The following EHF variants were observed in gnomAD, a reference collection of about 807,000 sequenced individuals.
The protein encoded by EHF is ETS homologous factor, also known as ESE3 transcription factor.
In EHF, 14 loss-of-function variants were observed where a neutral mutation model predicts 45.1. The ratio of observed to expected loss-of-function variants is 0.31; its 90% CI spans 0.21 to 0.49. The LOEUF (loss-of-function observed/expected upper bound fraction) is 0.49. EHF is among the 20% of genes least tolerant of loss of function. EHF has a pLI of 0.99. For synonymous variants in EHF, 136 were observed against 131.8 expected (o/e 1.03, Z -0.22); for missense variants, 282 against 371.4 (o/e 0.76, Z 1.98).
At position 34,659,160 on chromosome 11, in the gene EHF, GA is replaced by G. The variant is rs1272178738; in HGVS notation, c.*232del. 1 of 415,838 alleles carries G rather than the reference GA, an allele frequency of 2.4e-6. No homozygotes were observed. The highest frequency in any genetic ancestry group is 4.3e-6 in the Non-Finnish European group (1 of 234,624). 25.8% of individuals were successfully genotyped at this position (415,838 alleles called of 1,614,324 possible). A position where few individuals can be genotyped will look rare whatever the true frequency, so the allele number is the denominator to read the frequency against. On this transcript the variant is annotated 3_prime_UTR_variant, in exon 9 of 9. Transcript: ENST00000257831. ...GGAAAAAACGTACACAGTTTTCTGT[GA>G]AATATGATGCTGTATGTGGTTGTGA...
intron 6 of EHF, among the ~76,000 whole-genome samples, chr11:34,654,511 G>T (rs1294382678): frequency 6.6e-6 from 1 of 152,168 alleles, no homozygotes; most frequent in Non-Finnish European, 1.5e-5. Flanking sequence ...GCCTTTGACT[G>T]CTTATTCCCC....
chr11:34,629,139 G>T (rs1168596972), intron 1 of EHF, among the ~76,000 whole-genome samples: 1 of 152,192 alleles, frequency 6.6e-6, no homozygotes, highest in Non-Finnish European at 1.5e-5. Context: ...GCCTGTTGAG[G>T]AGGGAGGATG....
chr11:34,635,851 A>T (rs1332192500), intron 1 of EHF, among the ~76,000 whole-genome samples: 2 of 152,058 alleles, frequency 1.3e-5, no homozygotes, highest in Non-Finnish European at 2.9e-5. Context: ...GACAGGAGGG[A>T]TGGCTTTCGT....
Position 34,646,456 on chromosome 11 carries a change from G to A in EHF, c.115G>A (p.Gly39Arg). ...TTTTGCAGTTTCCAGTGGGTTTTTT[G>A]GAGGCCAGTGGCATGAAATTCATCC... ...STCNVSSGFF[G>R]GQWHEIHPQY... Residue 39 changes from glycine (G) to arginine (R), a missense_variant, in exon 3 of 9, where the codon GGA becomes AGA. Physicochemically the swap from Gly to Arg is moderately radical, Grantham distance 125. Transcript: ENST00000257831. 1 of 1,614,014 alleles carries A rather than the reference G, an allele frequency of 6.2e-7. No individual in the cohort carries two copies. The highest frequency in any genetic ancestry group is 8.5e-7 in the Non-Finnish European group (1 of 1,179,968).
chr11:34,651,899 T>C (rs1855208278), intron 6 of EHF, 94 bp downstream of exon 6: 1 of 1,247,098 alleles, frequency 8.0e-7, no homozygotes, highest in African/African-American at 1.5e-5. Flanking sequence ...CTTTCTGGAG[T>C]CTTTCTAATT....
At chr11:34,644,465 G>A (rs1316345532) in intron 2 of EHF, among the ~76,000 whole-genome samples, 1 of 152,146 alleles carries the variant, frequency 6.6e-6, no homozygotes, top group African/African-American at 2.4e-5. Flanking sequence ...CCTGACTATT[G>A]GCTTCCTCTT....
rs992777376 is a variant in EHF at position 34,662,276 on chromosome 11, C to T, written c.*3345C>T. On this transcript the variant is annotated 3_prime_UTR_variant, in exon 9 of 9. Coordinates refer to ENST00000257831, the MANE Select transcript of EHF (RefSeq NM_012153.6). Reference sequence around the variant, plus strand: ...TTTCTTCAGTGGAATAAGAGCACAACGGCACAACCTTCAAGGACATATTAT... The same window carrying T: ...TTTCTTCAGTGGAATAAGAGCACAATGGCACAACCTTCAAGGACATATTAT... Among the ~76,000 whole-genome samples, 15 of 152,042 alleles carry T rather than the reference C, an allele frequency of 9.9e-5. No individual in the cohort carries two copies. Among genetic ancestry groups the T allele is most frequent in the East Asian group, 1.9e-4 (1 of 5,192 alleles).
At chr11:34,653,564 T>A (rs1406898448) in intron 6 of EHF, among the ~76,000 whole-genome samples, 1 of 152,168 alleles carries the variant, frequency 6.6e-6, no homozygotes, top group Non-Finnish European at 1.5e-5. Context: ...TTCTATCCTG[T>A]GATTGTAACC....
At chr11:34,638,811 G>A (rs1853702375) in intron 1 of EHF, among the ~76,000 whole-genome samples, 1 of 152,182 alleles carries the variant, frequency 6.6e-6, no homozygotes, top group African/African-American at 2.4e-5. Flanking sequence ...AGCAGAAGAT[G>A]GGGAGAAGTG....
intron 7 of EHF, among the ~76,000 whole-genome samples, chr11:34,657,965 G>A (rs1010329904): frequency 6.6e-6 from 1 of 152,072 alleles, no homozygotes; most frequent in Non-Finnish European, 1.5e-5. Flanking sequence ...TAATCTTATT[G>A]CAGTAGTGGC....
chr11:34,657,464 G>A (rs549373503), intron 7 of EHF, among the ~76,000 whole-genome samples: 15 of 152,164 alleles, frequency 9.9e-5, no homozygotes, highest in East Asian at 3.9e-4. Flanking sequence ...GAACATATAC[G>A]AAATATCAGA....
At chr11:34,630,565 A>G (rs1243915646) in intron 1 of EHF, among the ~76,000 whole-genome samples, 2 of 151,948 alleles carry the variant, frequency 1.3e-5, no homozygotes, top group Non-Finnish European at 2.9e-5. Flanking sequence ...CCTAGGAGGA[A>G]ACTTGACTCT....
chr11:34,621,423 C>A (rs1381686400), intron 1 of EHF, among the ~76,000 whole-genome samples, 195 bp downstream of exon 1: 14 of 151,616 alleles, frequency 9.2e-5, no homozygotes, highest in Admixed American at 9.2e-4. Flanking sequence ...AGGTTGGCTA[C>A]TTTGGATATT....
At position 34,663,137 on chromosome 11, in the gene EHF, A is replaced by C. The variant is rs1225940785; in HGVS notation, c.*4206A>C. Among the ~76,000 whole-genome samples, 1 of 152,176 alleles carries C rather than the reference A, an allele frequency of 6.6e-6. No homozygotes were observed. Among genetic ancestry groups the C allele is most frequent in the East Asian group, 1.9e-4 (1 of 5,204 alleles). On this transcript the variant is annotated 3_prime_UTR_variant, in exon 9 of 9. Coordinates refer to ENST00000257831, the MANE Select transcript of EHF (RefSeq NM_012153.6). ...AACAACTCTATTGCTACTATTTAAAAAAAATCAGAAATCTTTCCCTTTAAG... is the reference window on the plus strand; with the variant it reads ...AACAACTCTATTGCTACTATTTAAACAAAATCAGAAATCTTTCCCTTTAAG...
rs544993465 is a variant in EHF, at chr11:34,660,054, A to T, written c.*1123A>T. 6.6e-6 allele frequency: 1 copy of T among 152,250 alleles called. No individual in the cohort carries two copies. Among genetic ancestry groups the T allele is most frequent in the Admixed American group, 6.6e-5 (1 of 15,266 alleles). The allele number at this position is 152,250 out of a possible 1,614,324, so 9.4% of individuals were successfully genotyped here. A position where few individuals can be genotyped will look rare whatever the true frequency, so the allele number is the denominator to read the frequency against. On this transcript the variant is annotated 3_prime_UTR_variant, in exon 9 of 9. Coordinates refer to ENST00000257831, the MANE Select transcript of EHF (RefSeq NM_012153.6). ...GGTGGTTTATTCTCAGAAGAAAAAG[A>T]TATGTAAGGTCTTTTAGCTCCTTAG...
intron 1 of EHF, among the ~76,000 whole-genome samples, chr11:34,623,134 G>A (rs1852097037): frequency 6.6e-6 from 1 of 152,030 alleles, no homozygotes; most frequent in South Asian, 2.1e-4. Flanking sequence ...CGCCCAGCCT[G>A]GAGTGCAGTG....
chr11:34,657,328 T>G (rs564980411), intron 7 of EHF, among the ~76,000 whole-genome samples: 17 of 152,318 alleles, frequency 1.1e-4, no homozygotes, highest in African/African-American at 3.8e-4. Context: ...AGATGTATCA[T>G]CCTTTCTTTT....
At chr11:34,655,587 T>C (rs760601670) in intron 6 of EHF, among the ~76,000 whole-genome samples, 8 of 152,246 alleles carry the variant, frequency 5.3e-5, no homozygotes, top group Non-Finnish European at 1.0e-4. Flanking sequence ...TCAAGTCATT[T>C]GACCCCTCTG....
In EHF at chr11:34,646,485, G is replaced by A. The variant is rs1410474400; in HGVS notation, c.144G>A (p.Gln48=). The A allele has an allele frequency of 1.2e-6, 2 of 1,614,012 alleles. No homozygotes were observed. The highest frequency in any genetic ancestry group is 1.3e-5 in the African/African-American group (1 of 74,910). The change falls in exon 3 of 9, where the codon CAG becomes CAA. Residue 48 remains glutamine (Q), a synonymous_variant. Transcript: ENST00000257831. ...FGGQWHEIHP[Q]YWTKYQVWEW... ...GCCAGTGGCATGAAATTCATCCTCA[G>A]TACTGGACCAAGTACCAGGTGTGGG...
Sources: allele counts gnomAD v4.1 joint callset (sites outside exome capture counted in the v4.1 genomes callset), GRCh38; gene constraint gnomAD v4.1.1; transcripts MANE v1.5; gene names NCBI Gene and HGNC (gene_info 2026-07-23, HGNC 2026-07-21).